DIP2C: variants seen among roughly 807,000 people sequenced by gnomAD.
DIP2C encodes disco-interacting protein 2 homolog C.
A neutral mutation model predicts 192.4 loss-of-function variants in DIP2C; 33 were observed. The observed-to-expected ratio is 0.17, with a 90% CI of 0.13 to 0.23. The LOEUF is 0.23. Ranked by LOEUF, DIP2C falls within the 10% of genes least tolerant of loss-of-function variation. The pLI is 1.00. For synonymous variants in DIP2C, 979 were observed against 864.1 expected (o/e 1.13, Z -2.33); for missense variants, 1,537 against 2,110.1 (o/e 0.73, Z 5.32).
At chr10:570,842 G>A (rs887816165) in intron 1 of DIP2C, among the ~76,000 whole-genome samples, 3 of 152,244 alleles carry the variant, frequency 2.0e-5, no homozygotes, top group Non-Finnish European at 4.4e-5. Flanking sequence ...AGAGCATGGA[G>A]CTCTGGTAAT....
In DIP2C at chr10:390,269, T is replaced by C. The variant is rs780965197; in HGVS notation, c.1489A>G (p.Ile497Val). The C allele has an allele frequency of 2.1e-5, 34 of 1,613,766 alleles. No homozygotes were observed. Among genetic ancestry groups the C allele is most frequent in the South Asian group, 4.4e-5 (4 of 91,036 alleles). ...IKDANNDTAYIEYKTCKDGSV... is the reference protein window; with the variant it reads ...IKDANNDTAYVEYKTCKDGSV... ...GGAGGCCAAGGCTGACTCACCTCAA[T>C]ATACGCAGTGTCGTTATTGGCATCT... The change falls in exon 12 of 37, where the codon ATT (isoleucine) becomes GTT (valine). Residue 497 changes from isoleucine to valine, a missense_variant. Around this residue, in one of 4 missense-constraint regions of DIP2C, gnomAD observed 677 missense variants for 989.9 expected, o/e 0.68. Transcript: ENST00000280886.
At chr10:525,501 G>GAC (rs1846996103) in intron 1 of DIP2C, among the ~76,000 whole-genome samples, 1 of 152,164 alleles carries the variant, frequency 6.6e-6, no homozygotes, top group East Asian at 1.9e-4. Context: ...CAAATACAAA[G>GAC]TGTTTGAGGA....
At chr10:305,780 G>A (rs1178770069) in intron 32 of DIP2C, among the ~76,000 whole-genome samples, 1 of 151,942 alleles carries the variant, frequency 6.6e-6, no homozygotes, top group Non-Finnish European at 1.5e-5. Context: ...AAGTAGCTAG[G>A]ACTATAGGCA....
intron 2 of DIP2C, among the ~76,000 whole-genome samples, chr10:478,008 A>AGAGAGGAGGGGAGGGGAGAG (rs202012059): frequency 2.5e-4 from 1 of 4,048 alleles, no homozygotes; most frequent in Admixed American, 3.6e-3. Context: ...AGAGGAAAAA[A>AGAGAGGAGGGGAGGGGAGAG]GAGGGGAGGG....
chr10:444,470 A>G (rs1037008032), intron 3 of DIP2C, among the ~76,000 whole-genome samples: 3 of 151,680 alleles, frequency 2.0e-5, no homozygotes, highest in Non-Finnish European at 4.4e-5. Flanking sequence ...AGCCCACGCC[A>G]TGGTGTTCAC....
intron 1 of DIP2C, among the ~76,000 whole-genome samples, chr10:602,812 C>A (rs2131707842): frequency 6.6e-6 from 1 of 152,300 alleles, no homozygotes; most frequent in East Asian, 1.9e-4. Context: ...GGGTGTCGAT[C>A]CTTTTTCGCA....
At chr10:546,325 A>G (rs1238882038) in intron 1 of DIP2C, among the ~76,000 whole-genome samples, 1 of 152,048 alleles carries the variant, frequency 6.6e-6, no homozygotes, top group Non-Finnish European at 1.5e-5. Flanking sequence ...TAATAAAGTC[A>G]TTACATGTTA....
chr10:618,460 C>T (rs1382464546), intron 1 of DIP2C, among the ~76,000 whole-genome samples: 1 of 152,250 alleles, frequency 6.6e-6, no homozygotes, highest in Non-Finnish European at 1.5e-5. Context: ...CTCAAATGCA[C>T]AGCTGTCGCT....
At chr10:484,404 G>C (rs1374747480) in intron 2 of DIP2C, among the ~76,000 whole-genome samples, 2 of 152,214 alleles carry the variant, frequency 1.3e-5, no homozygotes, top group African/African-American at 4.8e-5. Context: ...CAGAGGCCAA[G>C]ACCCATCAGC....
At chr10:340,549 T>C (rs908062727) in intron 29 of DIP2C, 4 of 352,670 alleles carry the variant, frequency 1.1e-5, no homozygotes, top group African/African-American at 8.6e-5. Context: ...ACACTCTTTA[T>C]CAGGTGCTAT....
chr10:367,333 CG>C (rs1172298680), intron 18 of DIP2C, among the ~76,000 whole-genome samples: 2 of 151,092 alleles, frequency 1.3e-5, no homozygotes, highest in African/African-American at 4.9e-5. Flanking sequence ...AGGAGAATGG[CG>C]TGAACCCGGG....
intron 3 of DIP2C, among the ~76,000 whole-genome samples, chr10:441,371 C>G (rs1967715929): frequency 8.8e-6 from 1 of 113,622 alleles, no homozygotes; most frequent in South Asian, 2.3e-4. Context: ...CACCCCAACT[C>G]ACAGCCACGG....
intron 1 of DIP2C, among the ~76,000 whole-genome samples, chr10:674,818 A>AGAGAGAGG (rs1830813535): frequency 6.8e-6 from 1 of 146,848 alleles, no homozygotes; most frequent in Non-Finnish European, 1.5e-5. Flanking sequence ...AGAGAGAGAG[A>AGAGAGAGG]GAGAGAGAGA....
intron 1 of DIP2C, among the ~76,000 whole-genome samples, chr10:579,860 C>T (rs993169273): frequency 1.1e-4 from 17 of 152,006 alleles, no homozygotes; most frequent in South Asian, 4.1e-4. Flanking sequence ...AGTGTACATG[C>T]ATATGTACAC....
intron 4 of DIP2C, among the ~76,000 whole-genome samples, chr10:432,472 A>G (rs576786001): frequency 6.6e-6 from 1 of 152,158 alleles, no homozygotes; most frequent in Non-Finnish European, 1.5e-5. Flanking sequence ...GTGGCCATAG[A>G]GTTTTTCATA....
chr10:314,045 G>A (rs141097294), intron 31 of DIP2C, among the ~76,000 whole-genome samples: 1 of 152,210 alleles, frequency 6.6e-6, no homozygotes, highest in South Asian at 2.1e-4. Flanking sequence ...GTAAGTCTGA[G>A]AAGACGAGAA....
At chr10:304,489 G>T (rs1402797590) in intron 32 of DIP2C, among the ~76,000 whole-genome samples, 1 of 152,180 alleles carries the variant, frequency 6.6e-6, no homozygotes, top group African/African-American at 2.4e-5. Flanking sequence ...CTAAAGACCA[G>T]CTGGAGAACT....
intron 1 of DIP2C, among the ~76,000 whole-genome samples, chr10:597,417 CAG>C (rs886549949): frequency 8.6e-5 from 13 of 151,918 alleles, no homozygotes; most frequent in African/African-American, 2.7e-4. Context: ...AAGTGGTCTT[CAG>C]AGTTTCCTTC....
intron 1 of DIP2C, among the ~76,000 whole-genome samples, chr10:487,220 G>T (rs1844077560): frequency 6.6e-6 from 1 of 152,160 alleles, no homozygotes; most frequent in Admixed American, 6.5e-5. Flanking sequence ...CCATTCACAA[G>T]CTCCAGCACA....
Sources: allele counts gnomAD v4.1 joint callset (sites outside exome capture counted in the v4.1 genomes callset), GRCh38; gene constraint gnomAD v4.1.1; regional missense constraint gnomAD v4.1.1; transcripts MANE v1.5; gene names NCBI Gene and HGNC (gene_info 2026-07-23, HGNC 2026-07-21).